NLK: variants seen among roughly 807,000 people sequenced by gnomAD.
NLK encodes the protein serine/threonine-protein kinase NLK.
A neutral mutation model predicts 59.0 loss-of-function variants in NLK; 11 were observed. The observed-to-expected ratio is 0.19, with a 90% confidence interval of 0.12 to 0.31. The LOEUF is 0.31. Among genes scored for constraint, NLK ranks in the 10% least tolerant of loss-of-function variants. The pLI is 1.00. For synonymous variants in NLK, 235 were observed against 235.9 expected (o/e 1.00, Z 0.03); for missense variants, 410 against 661.1 (o/e 0.62, Z 4.16).
chr17:28,131,219 A>T (rs1393175398), intron 2 of NLK, among the ~76,000 whole-genome samples: 1 of 152,138 alleles, frequency 6.6e-6, no homozygotes, highest in Non-Finnish European at 1.5e-5. Context: ...GGAAACGGAA[A>T]AGAGATGGTG....
intron 2 of NLK, among the ~76,000 whole-genome samples, chr17:28,129,048 A>G (rs1172696593): frequency 6.6e-6 from 1 of 152,238 alleles, no homozygotes; most frequent in African/African-American, 2.4e-5. Context: ...GAAAGAATCT[A>G]TACACAAAAG....
rs879815808 is a variant in NLK at position 28,128,897 on chromosome 17, A to G, written c.589-3723A>G. On this transcript the variant is annotated intron_variant, in intron 2 of 10. Transcript: ENST00000407008. ...ATAATAGGTAGCAATTGGAAACAAT[A>G]TAAATGTCTGCCAACAGCACTCTGA... Among the ~76,000 whole-genome samples, 110 of 152,236 alleles carry G rather than the reference A, an allele frequency of 7.2e-4. 1 individual carries two copies. The highest frequency in any genetic ancestry group is 1.6e-4 in the Non-Finnish European group (11 of 68,042).
intron 1 of NLK, among the ~76,000 whole-genome samples, chr17:28,101,275 A>G (rs190372997): frequency 1.8e-4 from 28 of 152,294 alleles, no homozygotes; most frequent in African/African-American, 6.0e-4. Context: ...TTTACATACA[A>G]ATTTTTTAAT....
chr17:28,107,158 G>T (rs888243766), intron 1 of NLK, among the ~76,000 whole-genome samples: 1 of 152,160 alleles, frequency 6.6e-6, no homozygotes, highest in Non-Finnish European at 1.5e-5. Context: ...ACTAAGCCGG[G>T]CACAGTGGCT....
chr17:28,172,433 C>A, intron 6 of NLK, 84 bp from the exon 7 acceptor site: 2 of 833,198 alleles, frequency 2.4e-6, no homozygotes, highest in South Asian at 3.8e-5. Context: ...CAGATTTGGT[C>A]CACTTCTCTA....
chr17:28,134,159 C>G (rs1317327888), intron 3 of NLK, among the ~76,000 whole-genome samples: 2 of 152,004 alleles, frequency 1.3e-5, no homozygotes, highest in Admixed American at 1.3e-4. Flanking sequence ...TTGGGAGGCT[C>G]AGGCAGGGTG....
chr17:28,129,599 T>TA (rs1906435311), intron 2 of NLK, among the ~76,000 whole-genome samples: 1 of 152,158 alleles, frequency 6.6e-6, no homozygotes, highest in South Asian at 2.1e-4. Flanking sequence ...ATAATAATGA[T>TA]ATAGTCTCTA....
chr17:28,131,187 C>T (rs1906500796), intron 2 of NLK, among the ~76,000 whole-genome samples: 1 of 151,966 alleles, frequency 6.6e-6, no homozygotes, highest in African/African-American at 2.4e-5. Context: ...AACCGGGTTT[C>T]TTCTACACAT....
rs1000445258 is a variant in NLK, at chr17:28,084,580, T to TC, written c.459-38022dup. On this transcript the variant is annotated intron_variant, in intron 1 of 10. Transcript: ENST00000407008. ...TCCCACTACCTTTTCTTTTTTTTTT[T>TC]CGAGATGGAGTCTTGCTCTGTCACC... is the stretch of plus-strand genomic sequence containing the variant. Among the ~76,000 whole-genome samples the TC allele has an allele frequency of 1.7e-4, 26 of 152,146 alleles. No homozygotes were observed. In the East Asian group the frequency reaches 4.2e-3, roughly 25 times the overall value.
intron 10 of NLK, among the ~76,000 whole-genome samples, chr17:28,192,550 C>G (rs1236359922): frequency 6.6e-6 from 1 of 152,064 alleles, no homozygotes; most frequent in Non-Finnish European, 1.5e-5. Flanking sequence ...TGCCTGTAAC[C>G]CCAGCTACTT....
intron 3 of NLK, among the ~76,000 whole-genome samples, chr17:28,135,916 A>G (rs545958152): frequency 1.3e-5 from 2 of 152,320 alleles, no homozygotes; most frequent in East Asian, 3.9e-4. Flanking sequence ...AATTGAGTCT[A>G]GGAGATCTTT....
chr17:28,110,871 G>A (rs1905438094), intron 1 of NLK, among the ~76,000 whole-genome samples: 1 of 151,472 alleles, frequency 6.6e-6, no homozygotes, highest in African/African-American at 2.4e-5. Context: ...TTGAGACGGA[G>A]TCTCGCTCTG....
intron 7 of NLK, among the ~76,000 whole-genome samples, chr17:28,184,663 C>T (rs1290249495): frequency 2.6e-5 from 4 of 152,098 alleles, no homozygotes; most frequent in East Asian, 1.9e-4. Context: ...TAAAAATCTA[C>T]GGGGATGGAC....
chr17:28,077,228 A>G lies in NLK; in HGVS notation c.458+33897A>G, dbSNP rs566728645. Among the ~76,000 whole-genome samples, 5 of 152,008 alleles carry G rather than the reference A, an allele frequency of 3.3e-5. 1 individual carries two copies. The highest frequency in any genetic ancestry group is 1.2e-4 in the African/African-American group (5 of 41,464). ...AAGACGTGCTTGAGACTGGGAAGAA[A>G]AAGAGGTTTAATTGGACTTGCAGTT... is the stretch of plus-strand genomic sequence containing the variant. On this transcript the variant is annotated intron_variant, in intron 1 of 10. Coordinates refer to ENST00000407008, the MANE Select transcript of NLK (RefSeq NM_016231.5).
chr17:28,099,873 C>T (rs1022025033), intron 1 of NLK, among the ~76,000 whole-genome samples: 4 of 152,204 alleles, frequency 2.6e-5, no homozygotes, highest in East Asian at 1.9e-4. Context: ...CCACCGCGCC[C>T]GGCCTTGACT....
intron 1 of NLK, among the ~76,000 whole-genome samples, chr17:28,097,344 C>T (rs1904738716): frequency 6.6e-6 from 1 of 152,048 alleles, no homozygotes; most frequent in Non-Finnish European, 1.5e-5. Flanking sequence ...AGTTTCATTT[C>T]TTGTGTGGAT....
chr17:28,054,144 G>T (rs553576712), intron 1 of NLK, among the ~76,000 whole-genome samples: 1 of 152,192 alleles, frequency 6.6e-6, no homozygotes, highest in South Asian at 2.1e-4. Context: ...ATAAAAATTG[G>T]CAAGTAATGT....
intron 1 of NLK, chr17:28,061,839 CATATAT>C (rs528727330): frequency 1.4e-5 from 2 of 138,660 alleles, no homozygotes; most frequent in African/African-American, 2.7e-5. Context: ...TATACATATA[CATATAT>C]ATAATATATA....
At chr17:28,066,470 C>G (rs1177836890) in intron 1 of NLK, among the ~76,000 whole-genome samples, 1 of 152,192 alleles carries the variant, frequency 6.6e-6, no homozygotes, top group African/African-American at 2.4e-5. Context: ...ATAGTTTGTT[C>G]TTGTTCATTG....
Sources: allele counts gnomAD v4.1 joint callset (sites outside exome capture counted in the v4.1 genomes callset), GRCh38; gene constraint gnomAD v4.1.1; transcripts MANE v1.5; gene names NCBI Gene and HGNC (gene_info 2026-07-23, HGNC 2026-07-21).